MYO1B: variants seen among roughly 807,000 people sequenced by gnomAD.
MYO1B encodes the protein myosin IB, also known as unconventional myosin-Ib.
Under a neutral mutation model 159.7 loss-of-function variants are expected in MYO1B, and 72 were observed. The observed-to-expected ratio is 0.45, with a 90% confidence interval of 0.37 to 0.55. The LOEUF (loss-of-function observed/expected upper bound fraction) is 0.55. Among genes scored for constraint, MYO1B ranks in the 20% least tolerant of loss-of-function variants. The probability of loss-of-function intolerance (pLI) is 0.00; values close to 1 mark genes in which losing one functional copy is unlikely to be tolerated. For missense variants in MYO1B, 1,062 were observed against 1,364.8 expected, an observed-to-expected ratio of 0.78 and a Z score of 3.50; for synonymous variants, 468 against 473.8, an observed-to-expected ratio of 0.99 and a Z score of 0.16.
intron 13 of MYO1B, among the ~76,000 whole-genome samples, chr2:191,379,954 C>T (rs1694944902): frequency 6.6e-6 from 1 of 152,048 alleles, no homozygotes; most frequent in African/African-American, 2.4e-5. Flanking sequence ...TGAGGAGTGC[C>T]CTTTGTATCT....
chr2:191,304,888 G>T (rs925497621), intron 3 of MYO1B, among the ~76,000 whole-genome samples: 5 of 152,116 alleles, frequency 3.3e-5, no homozygotes, highest in African/African-American at 1.2e-4. Context: ...AATGCTGTTT[G>T]TGAAGCCAAG....
chr2:191,262,299 C>T (rs1181165984), intron 1 of MYO1B, among the ~76,000 whole-genome samples: 3 of 152,160 alleles, frequency 2.0e-5, no homozygotes, highest in African/African-American at 7.2e-5. Flanking sequence ...GCCCCCCCTC[C>T]TCCCCAGCTG....
At chr2:191,378,384 T>A (rs900425047) in intron 13 of MYO1B, among the ~76,000 whole-genome samples, 5 of 152,160 alleles carry the variant, frequency 3.3e-5, no homozygotes, top group Non-Finnish European at 7.4e-5. Context: ...GTGGTGGGAT[T>A]ATCATTAGTT....
chr2:191,298,513 T>A (rs1689117461), intron 3 of MYO1B, among the ~76,000 whole-genome samples: 2 of 152,170 alleles, frequency 1.3e-5, no homozygotes, highest in Admixed American at 1.3e-4. Context: ...GTCTTACTTC[T>A]CATAAGCCAG....
intron 3 of MYO1B, among the ~76,000 whole-genome samples, chr2:191,307,670 C>T (rs1202350045): frequency 6.6e-6 from 1 of 152,152 alleles, no homozygotes; most frequent in Non-Finnish European, 1.5e-5. Context: ...AAGAGTGCCC[C>T]ACTTCAGACA....
intron 7 of MYO1B, among the ~76,000 whole-genome samples, chr2:191,354,149 G>A (rs570583051): frequency 2.0e-5 from 3 of 152,054 alleles, no homozygotes; most frequent in East Asian, 3.9e-4. Context: ...CCAGCCACTC[G>A]GGAGGCTGAG....
intron 17 of MYO1B, chr2:191,387,690 G>T: frequency 1.8e-6 from 1 of 551,966 alleles, no homozygotes. Flanking sequence ...ATGAAACTCA[G>T]TGGTTGAGAC....
At chr2:191,282,656 G>A (rs1688132340) in intron 2 of MYO1B, among the ~76,000 whole-genome samples, 1 of 152,210 alleles carries the variant, frequency 6.6e-6, no homozygotes, top group Non-Finnish European at 1.5e-5. Context: ...TATGTTGGGT[G>A]AAAAAACTAA....
intron 23 of MYO1B, 54 bp downstream of exon 23, chr2:191,400,889 C>A (rs906760950): frequency 1.9e-5 from 29 of 1,536,890 alleles, no homozygotes; most frequent in Non-Finnish European, 2.5e-5. Flanking sequence ...AATAATCAGT[C>A]CTTACCTCTA....
intron 20 of MYO1B, among the ~76,000 whole-genome samples, chr2:191,394,690 G>T (rs977460958): frequency 6.6e-6 from 1 of 152,134 alleles, no homozygotes; most frequent in Admixed American, 6.5e-5. Context: ...GAGAAACTTC[G>T]GGGAGGGGCC....
chr2:191,369,533 T>C lies in MYO1B; in HGVS notation c.1033-9T>C. On this transcript the variant is annotated splice_polypyrimidine_tract_variant and intron_variant, in intron 11 of 30. Coordinates refer to ENST00000392318, the MANE Select transcript of MYO1B (RefSeq NM_001130158.3). ...GGGTGTTAAGTTTTGTTTGTTTGTT[T>C]TTTAATAGGCTTATTATGCCCGTGA... is the stretch of plus-strand genomic sequence containing the variant. 1 of 1,608,306 alleles carries C rather than the reference T, an allele frequency of 6.2e-7. No individual in the cohort carries two copies. Among genetic ancestry groups the C allele is most frequent in the Non-Finnish European group, 8.5e-7 (1 of 1,175,974 alleles).
rs1255696145 is a variant in MYO1B, at chr2:191,276,976, T to A, written c.81T>A (p.Asn27Lys). ...VGDMVLLEPLNEETFINNLKK... is the reference protein window; with the variant it reads ...VGDMVLLEPLKEETFINNLKK... ...ATATGGTTCTTTTAGAACCTCTCAATGAGGAGACCTTCATCAACAACCTCA... is the reference window on the plus strand; with the variant it reads ...ATATGGTTCTTTTAGAACCTCTCAAAGAGGAGACCTTCATCAACAACCTCA... The change falls in exon 2 of 31, where the codon AAT becomes AAA. Residue 27 changes from asparagine to lysine, a missense_variant. By Grantham distance (94) the Asn-to-Lys change is moderately conservative (BLOSUM62 0). Coordinates refer to ENST00000392318, the MANE Select transcript of MYO1B (RefSeq NM_001130158.3). The A allele has an allele frequency of 6.2e-7, 1 of 1,613,964 alleles. No homozygotes were observed.
rs116872259 is a variant in MYO1B at position 191,399,996 on chromosome 2, C to T, written c.2296-386C>T. On this transcript the variant is annotated intron_variant, in intron 21 of 30. Transcript: ENST00000392318. Reference sequence around the variant, plus strand: ...TTAAAAATATCTTGAATAAAAAGGACAGCTACAGTTACATTCCAGGCAATA... The same window carrying T: ...TTAAAAATATCTTGAATAAAAAGGATAGCTACAGTTACATTCCAGGCAATA... 6.6e-5 allele frequency among the ~76,000 whole-genome samples: 10 copies of T among 152,300 alleles called. No homozygotes were observed. The East Asian group carries it at 1.9e-3, about 29-fold the overall frequency.
At chr2:191,339,805 G>A (rs1045626251) in intron 4 of MYO1B, among the ~76,000 whole-genome samples, 15 of 152,218 alleles carry the variant, frequency 9.9e-5, no homozygotes, top group Non-Finnish European at 1.8e-4. Context: ...TTGGTCTTCA[G>A]TGGCTCCTAT....
intron 3 of MYO1B, among the ~76,000 whole-genome samples, chr2:191,318,222 G>T (rs1431451217): frequency 1.3e-5 from 2 of 152,204 alleles, no homozygotes; most frequent in Admixed American, 1.3e-4. Flanking sequence ...CTGAGAGGCA[G>T]GGAGTTCCAG....
At chr2:191,300,841 A>G (rs993602067) in intron 3 of MYO1B, among the ~76,000 whole-genome samples, 1 of 151,848 alleles carries the variant, frequency 6.6e-6, no homozygotes, top group African/African-American at 2.4e-5. Context: ...TTTGTAATTC[A>G]TATGTTTTGA....
Position 191,291,223 on chromosome 2 carries a change from A to C in MYO1B, c.136-4888A>C, listed in dbSNP as rs558410451. On this transcript the variant is annotated intron_variant, in intron 2 of 30. Transcript: ENST00000392318. ...TCCTCCAGAAAAGACCTCTGTTTTCATGGTAATTATGCTAAGAACACTCAA... is the reference window on the plus strand; with the variant it reads ...TCCTCCAGAAAAGACCTCTGTTTTCCTGGTAATTATGCTAAGAACACTCAA... Among the ~76,000 whole-genome samples the C allele has an allele frequency of 9.2e-5, 14 of 152,294 alleles. No homozygotes were observed. The East Asian group carries it at 2.7e-3, about 29-fold the overall frequency.
At chr2:191,266,857 T>C (rs1327295144) in intron 1 of MYO1B, among the ~76,000 whole-genome samples, 2 of 152,238 alleles carry the variant, frequency 1.3e-5, no homozygotes, top group Non-Finnish European at 2.9e-5. Context: ...TTAGTCTAGA[T>C]GGTATATTTT....
chr2:191,288,220 A>G (rs1688494796), intron 2 of MYO1B, among the ~76,000 whole-genome samples: 1 of 144,582 alleles, frequency 6.9e-6, no homozygotes, highest in African/African-American at 2.6e-5. Flanking sequence ...AAAAAAATAT[A>G]TTTTGAAGAA....
Sources: gnomAD v4.1 joint callset for allele counts (sites outside exome capture counted in the v4.1 genomes callset) on GRCh38, gnomAD v4.1.1 for gene constraint, MANE v1.5 for transcripts, NCBI Gene and HGNC (gene_info 2026-07-23, HGNC 2026-07-21) for gene names.